The following PTPRT variants were observed in gnomAD, a reference collection of about 807,000 sequenced individuals.
The protein encoded by PTPRT is protein tyrosine phosphatase receptor type T, also known as receptor-type tyrosine-protein phosphatase T.
PTPRT carries 56 observed loss-of-function variants against 176.8 expected under a neutral mutation model. The ratio of observed to expected loss-of-function variants is 0.32; its 90% CI spans 0.26 to 0.40. PTPRT has a LOEUF of 0.40. PTPRT is among the 10% of genes least tolerant of loss of function. PTPRT has a pLI of 1.00. For synonymous variants in PTPRT, 783 were observed against 739.0 expected, an observed-to-expected ratio of 1.06 and a Z score of -0.96; for missense variants, 1,540 against 1,908.2, an observed-to-expected ratio of 0.81 and a Z score of 3.60.
intron 7 of PTPRT, among the ~76,000 whole-genome samples, chr20:42,502,704 C>A (rs1003430988): frequency 2.0e-5 from 3 of 151,994 alleles, no homozygotes; most frequent in Admixed American, 1.3e-4. Context: ...CAGACATAAA[C>A]ATTTATGTTG....
intron 1 of PTPRT, among the ~76,000 whole-genome samples, chr20:43,033,978 A>G (rs1408552769): frequency 6.6e-6 from 1 of 152,200 alleles, no homozygotes; most frequent in Non-Finnish European, 1.5e-5. Context: ...GGTAGTGGGT[A>G]CTGGCCCCAT....
intron 1 of PTPRT, among the ~76,000 whole-genome samples, chr20:42,912,220 C>T (rs1978443563): frequency 6.6e-6 from 1 of 152,100 alleles, no homozygotes. Context: ...TACTAAGTAT[C>T]ATCACTGTTT....
chr20:43,005,953 T>C (rs952901398), intron 1 of PTPRT, among the ~76,000 whole-genome samples: 13 of 152,148 alleles, frequency 8.5e-5, no homozygotes, highest in Admixed American at 4.6e-4. Flanking sequence ...TTAGTTGATA[T>C]ATAGGATGGA....
intron 1 of PTPRT, among the ~76,000 whole-genome samples, chr20:43,058,689 C>T (rs895196103): frequency 6.6e-6 from 1 of 152,206 alleles, no homozygotes. Context: ...AAATTGTGCT[C>T]CACATCTCTC....
chr20:43,116,836 C>T (rs546706934), intron 1 of PTPRT, among the ~76,000 whole-genome samples: 4 of 152,188 alleles, frequency 2.6e-5, no homozygotes, highest in Non-Finnish European at 4.4e-5. Context: ...CAAATGTGGA[C>T]TCCATGTGGT....
intron 13 of PTPRT, among the ~76,000 whole-genome samples, chr20:42,264,585 T>C (rs2146975590): frequency 6.6e-6 from 1 of 152,332 alleles, no homozygotes; most frequent in East Asian, 1.9e-4. Context: ...CCTAGTCTTC[T>C]GGCACAGCCA....
chr20:42,430,216 C>A (rs542907939), intron 9 of PTPRT, among the ~76,000 whole-genome samples: 2 of 152,280 alleles, frequency 1.3e-5, no homozygotes, highest in South Asian at 2.1e-4. Flanking sequence ...AGGAATTTCA[C>A]AGCAGGGTGA....
At chr20:42,339,810 T>C (rs1176379943) in intron 11 of PTPRT, among the ~76,000 whole-genome samples, 2 of 152,226 alleles carry the variant, frequency 1.3e-5, no homozygotes, top group African/African-American at 2.4e-5. Context: ...GTGGAAGTGA[T>C]GTGGGGAAAT....
At chr20:42,770,169 C>T (rs1686719004) in intron 5 of PTPRT, among the ~76,000 whole-genome samples, 1 of 152,178 alleles carries the variant, frequency 6.6e-6, no homozygotes. Context: ...GTTGCCCAGG[C>T]TGGAGGGCAG....
At chr20:42,323,275 A>T (rs935196588) in intron 11 of PTPRT, among the ~76,000 whole-genome samples, 165 of 152,294 alleles carry the variant, frequency 1.1e-3, no homozygotes, top group African/African-American at 3.8e-3. Flanking sequence ...TACCCAAAGG[A>T]TTATAAATCA....
chr20:42,384,614 G>A (rs2058726518), intron 9 of PTPRT, among the ~76,000 whole-genome samples: 2 of 152,130 alleles, frequency 1.3e-5, no homozygotes, highest in African/African-American at 4.8e-5. Context: ...ATTCTTTTGG[G>A]TATATATCCA....
At chr20:42,033,894 A>G in the PTPRT span, among the ~76,000 whole-genome samples, 23 of 152,254 alleles carry the variant, frequency 1.5e-4, no homozygotes, top group South Asian at 8.3e-4. Flanking sequence ...GTTGCTGACT[A>G]TAGAATGGTT....
intron 1 of PTPRT, among the ~76,000 whole-genome samples, chr20:42,910,853 C>T (rs1397499532): frequency 6.6e-6 from 1 of 152,154 alleles, no homozygotes; most frequent in African/African-American, 2.4e-5. Flanking sequence ...GTTTAATGGA[C>T]TCACAATTCA....
At chr20:42,038,712 C>T in the PTPRT span, among the ~76,000 whole-genome samples, 67,483 of 152,014 alleles carry the variant, frequency 0.44, 15,594 homozygotes, top group Middle Eastern at 0.58. Context: ...TGAGCTAACA[C>T]ATGCATGGAG....
At chr20:42,325,993 C>T (rs2057876087) in intron 11 of PTPRT, among the ~76,000 whole-genome samples, 1 of 152,130 alleles carries the variant, frequency 6.6e-6, no homozygotes, top group Admixed American at 6.5e-5. Context: ...TACTTTTTCA[C>T]CTCTGCCAGG....
chr20:42,067,802 T>C (rs2866941), downstream of PTPRT, among the ~76,000 whole-genome samples: 115,421 of 152,108 alleles, frequency 0.76, 44,094 homozygotes, highest in South Asian at 0.84. Context: ...AGAATCCCAT[T>C]TCAGATTAAC....
intron 7 of PTPRT, among the ~76,000 whole-genome samples, chr20:42,477,113 G>A (rs1398887190): frequency 6.6e-6 from 1 of 152,138 alleles, no homozygotes; most frequent in African/African-American, 2.4e-5. Context: ...CTTTGGCCAT[G>A]GCACTTTGCA....
chr20:42,881,003 G>A (rs1174662947), intron 2 of PTPRT, among the ~76,000 whole-genome samples: 4 of 152,174 alleles, frequency 2.6e-5, no homozygotes, highest in Admixed American at 1.3e-4. Flanking sequence ...GGCCTGTCAG[G>A]ACCCACAGTA....
chr20:42,039,501 G>T, the PTPRT span, among the ~76,000 whole-genome samples: 6 of 151,778 alleles, frequency 4.0e-5, no homozygotes, highest in Non-Finnish European at 8.8e-5. Flanking sequence ...CCTGCCCCCA[G>T]CCTCTGGTAA....
Sources: allele counts gnomAD v4.1 joint callset (sites outside exome capture counted in the v4.1 genomes callset), GRCh38; gene constraint gnomAD v4.1.1; transcripts MANE v1.5; gene names NCBI Gene and HGNC (gene_info 2026-07-23, HGNC 2026-07-21).